The following CSMD1 variants were observed in gnomAD, a reference collection of about 807,000 sequenced individuals.
CSMD1 encodes the protein CUB and sushi domain-containing protein 1.
In CSMD1, 213 loss-of-function variants were observed where a neutral mutation model predicts 417.5. That is an observed-to-expected ratio of 0.51 (90% CI 0.46 to 0.57). The LOEUF (loss-of-function observed/expected upper bound fraction) is 0.57. Among genes scored for constraint, CSMD1 ranks in the 20% least tolerant of loss-of-function variants. The pLI, the probability that CSMD1 is intolerant of heterozygous loss-of-function variation, is 0.00. For synonymous variants in CSMD1, 2,862 were observed against 1,736.8 expected (o/e 1.65, Z -16.11); for missense variants, 6,923 against 4,529.7 (o/e 1.53, Z -15.17).
intron 27 of CSMD1, among the ~76,000 whole-genome samples, chr8:3,225,738 G>C (rs1798466228): frequency 6.6e-6 from 1 of 152,150 alleles, no homozygotes; most frequent in Non-Finnish European, 1.5e-5. Context: ...TTTCAAATGA[G>C]GTGATTTAAA....
At chr8:3,829,054 C>A (rs892263786) in intron 5 of CSMD1, among the ~76,000 whole-genome samples, 1 of 151,812 alleles carries the variant, frequency 6.6e-6, no homozygotes. Flanking sequence ...CCGTAAGTTA[C>A]TGGGGTATAG....
intron 5 of CSMD1, among the ~76,000 whole-genome samples, chr8:3,876,561 T>C (rs1805837128): frequency 6.6e-6 from 1 of 152,332 alleles, no homozygotes; most frequent in Non-Finnish European, 1.5e-5. Flanking sequence ...AAATTATTAA[T>C]TCTAAAATGA....
chr8:3,577,328 G>A (rs555057120), intron 9 of CSMD1, among the ~76,000 whole-genome samples: 67 of 152,304 alleles, frequency 4.4e-4, no homozygotes, highest in African/African-American at 1.5e-3. Context: ...GAAGTACCAA[G>A]TTTCACACAA....
At chr8:3,973,024 A>T (rs1298912936) in intron 5 of CSMD1, among the ~76,000 whole-genome samples, 1 of 152,256 alleles carries the variant, frequency 6.6e-6, no homozygotes, top group Admixed American at 6.5e-5. Flanking sequence ...CTCTTCTAAC[A>T]GTGTTTACCA....
chr8:4,175,574 G>T (rs907505426), intron 3 of CSMD1, among the ~76,000 whole-genome samples: 1 of 151,976 alleles, frequency 6.6e-6, no homozygotes, highest in Non-Finnish European at 1.5e-5. Flanking sequence ...TTTTTTGAAA[G>T]GTATATTAGG....
chr8:4,761,406 A>G (rs769163641), intron 1 of CSMD1, among the ~76,000 whole-genome samples: 7 of 152,166 alleles, frequency 4.6e-5, no homozygotes, highest in Non-Finnish European at 7.3e-5. Context: ...ATACACACAT[A>G]TATATACACA....
chr8:3,644,966 G>GAAAAAAAAAAAA lies in CSMD1; in HGVS notation c.1010-28181_1010-28170dup, dbSNP rs71203456. Among the ~76,000 whole-genome samples the GAAAAAAAAAAAA allele has an allele frequency of 1.6e-3, 100 of 64,510 alleles. 9 individuals are homozygous for GAAAAAAAAAAAA. The highest frequency in any genetic ancestry group is 7.8e-3 in the African/African-American group (97 of 12,492). 42.3% of individuals were successfully genotyped at this position (64,510 alleles called of 152,430 possible). A position where few individuals can be genotyped will look rare whatever the true frequency, so the allele number is the denominator to read the frequency against. On this transcript the variant is annotated intron_variant, in intron 7 of 69. Transcript: ENST00000635120. ...GTTACGGATCACTAAGGCTTTAAAT[G>GAAAAAAAAAAAA]AAAAAAAAAAAAAAAAAAAAAAAAA... is the stretch of plus-strand genomic sequence containing the variant.
chr8:4,392,857 A>C (rs1039452199), intron 3 of CSMD1, among the ~76,000 whole-genome samples: 2 of 151,852 alleles, frequency 1.3e-5, no homozygotes, highest in African/African-American at 4.8e-5. Context: ...AATCCCAGCT[A>C]CCCAGGGAGG....
intron 3 of CSMD1, among the ~76,000 whole-genome samples, chr8:4,172,804 A>C (rs983204085): frequency 1.3e-5 from 2 of 152,122 alleles, no homozygotes; most frequent in African/African-American, 4.8e-5. Flanking sequence ...CCATGTCTTT[A>C]GGCAGCCCCT....
At chr8:4,668,734 C>G (rs1442675906) in intron 1 of CSMD1, among the ~76,000 whole-genome samples, 1 of 152,050 alleles carries the variant, frequency 6.6e-6, no homozygotes, top group Non-Finnish European at 1.5e-5. Context: ...ACCAGTTTGC[C>G]TACAACCTCT....
At chr8:3,442,830 AT>A (rs367559731) in intron 12 of CSMD1, among the ~76,000 whole-genome samples, 2,566 of 150,088 alleles carry the variant, frequency 0.017, 82 homozygotes, top group African/African-American at 0.057. Flanking sequence ...TAGTACATAG[AT>A]TTTTTTTTTG....
At chr8:3,367,672 A>C (rs1362468416) in intron 19 of CSMD1, among the ~76,000 whole-genome samples, 1 of 152,236 alleles carries the variant, frequency 6.6e-6, no homozygotes, top group African/African-American at 2.4e-5. Flanking sequence ...ATAAATACTT[A>C]AGTGCATATA....
At chr8:3,735,664 T>A (rs28587021) in intron 6 of CSMD1, among the ~76,000 whole-genome samples, 1 of 152,162 alleles carries the variant, frequency 6.6e-6, no homozygotes, top group Admixed American at 6.5e-5. Context: ...GGCTGAGAAA[T>A]GGGCTGCCCT....
intron 26 of CSMD1, among the ~76,000 whole-genome samples, chr8:3,283,381 C>T (rs9314478): frequency 0.72 from 109,568 of 151,816 alleles, 40,518 homozygotes; most frequent in Admixed American, 0.82. Flanking sequence ...GAGACCCACA[C>T]CTGTCTTGCA....
chr8:4,224,084 T>G (rs2128809896), intron 3 of CSMD1, among the ~76,000 whole-genome samples: 1 of 152,266 alleles, frequency 6.6e-6, no homozygotes, highest in South Asian at 2.1e-4. Context: ...CTGATGGAAC[T>G]GACCTGAGGA....
chr8:4,963,254 G>A (rs913734229), intron 1 of CSMD1, among the ~76,000 whole-genome samples: 1 of 152,138 alleles, frequency 6.6e-6, no homozygotes, highest in South Asian at 2.1e-4. Flanking sequence ...AGGCTGGAGT[G>A]CAGTGGTGCA....
intron 1 of CSMD1, among the ~76,000 whole-genome samples, chr8:4,824,034 CCATGCACCCACA>C (rs1326030066): frequency 1.3e-5 from 2 of 151,118 alleles, no homozygotes; most frequent in Non-Finnish European, 3.0e-5. Flanking sequence ...ACACAAACAT[CCATGCACCCACA>C]CATGCACACA....
At chr8:4,411,937 T>C (rs1563145710) in intron 3 of CSMD1, among the ~76,000 whole-genome samples, 3 of 152,100 alleles carry the variant, frequency 2.0e-5, no homozygotes, top group Admixed American at 1.3e-4. Flanking sequence ...TTATTTTTAA[T>C]AGTACTAGAA....
intron 54 of CSMD1, among the ~76,000 whole-genome samples, chr8:2,995,333 A>G (rs1806788462): frequency 6.6e-6 from 1 of 152,204 alleles, no homozygotes; most frequent in Admixed American, 6.5e-5. Context: ...GCAAGTGAAC[A>G]CCACAGAAAG....
Sources: allele counts gnomAD v4.1 joint callset (sites outside exome capture counted in the v4.1 genomes callset), GRCh38; gene constraint gnomAD v4.1.1; transcripts MANE v1.5; gene names NCBI Gene and HGNC (gene_info 2026-07-23, HGNC 2026-07-21).